Variants in MLLT3 observed in about 807,000 individuals in gnomAD.
The protein encoded by MLLT3 is MLLT3 super elongation complex subunit.
Under a neutral mutation model 53.2 loss-of-function variants are expected in MLLT3, and 4 were observed. The observed-to-expected ratio is 0.08, with a 90% CI of 0.04 to 0.17. The LOEUF (loss-of-function observed/expected upper bound fraction) is 0.17. Ranked by LOEUF, MLLT3 falls within the 10% of genes least tolerant of loss-of-function variation. The pLI, the probability that MLLT3 is intolerant of heterozygous loss-of-function variation, is 1.00. For synonymous variants in MLLT3, 283 were observed against 230.6 expected (o/e 1.23, Z -2.06); for missense variants, 569 against 684.0 (o/e 0.83, Z 1.87).
At chr9:20,359,717 G>T (rs1022631061) in intron 8 of MLLT3, among the ~76,000 whole-genome samples, 1 of 152,146 alleles carries the variant, frequency 6.6e-6, no homozygotes, top group Non-Finnish European at 1.5e-5. Flanking sequence ...GGATTTAAGG[G>T]CAAGACTATT....
intron 5 of MLLT3, among the ~76,000 whole-genome samples, chr9:20,406,533 A>T (rs758097762): frequency 4.9e-4 from 74 of 152,356 alleles, no homozygotes; most frequent in Middle Eastern, 6.8e-3. Flanking sequence ...GGAGTGTCAC[A>T]TAATAAAGCA....
intron 2 of MLLT3, among the ~76,000 whole-genome samples, chr9:20,613,036 C>G (rs1235028621): frequency 6.6e-6 from 1 of 152,004 alleles, no homozygotes; most frequent in Non-Finnish European, 1.5e-5. Flanking sequence ...AATAGGAAAA[C>G]AGAAAAGTAA....
At chr9:20,349,880 A>G (rs1820967962) in intron 10 of MLLT3, among the ~76,000 whole-genome samples, 1 of 152,234 alleles carries the variant, frequency 6.6e-6, no homozygotes, top group South Asian at 2.1e-4. Context: ...ATGAGAGCCC[A>G]CAAGAATACA....
At chr9:20,450,824 T>C (rs1009063943) in intron 3 of MLLT3, among the ~76,000 whole-genome samples, 8 of 152,234 alleles carry the variant, frequency 5.3e-5, no homozygotes, top group Non-Finnish European at 7.3e-5. Context: ...AAACAGAAGA[T>C]GTAACTTTAG....
At chr9:20,417,591 G>A (rs1822902877) in intron 4 of MLLT3, among the ~76,000 whole-genome samples, 1 of 151,904 alleles carries the variant, frequency 6.6e-6, no homozygotes, top group Non-Finnish European at 1.5e-5. Context: ...ATCTAACACA[G>A]AGAGCACGTG....
At chr9:20,459,394 T>A (rs1824052217) in intron 2 of MLLT3, among the ~76,000 whole-genome samples, 1 of 152,200 alleles carries the variant, frequency 6.6e-6, no homozygotes, top group Non-Finnish European at 1.5e-5. Context: ...TTGTGAACAC[T>A]GGAGACAAGT....
intron 2 of MLLT3, among the ~76,000 whole-genome samples, chr9:20,475,725 C>G (rs1024449217): frequency 3.3e-5 from 5 of 152,110 alleles, no homozygotes; most frequent in African/African-American, 1.2e-4. Flanking sequence ...CATTTGACTT[C>G]CATTACACTG....
At chr9:20,582,964 C>A (rs1303605126) in intron 2 of MLLT3, among the ~76,000 whole-genome samples, 2 of 152,046 alleles carry the variant, frequency 1.3e-5, no homozygotes, top group African/African-American at 4.8e-5. Flanking sequence ...CCCAATACTC[C>A]CCCAAAGTCT....
At chr9:20,527,003 G>A (rs1351534432) in intron 2 of MLLT3, among the ~76,000 whole-genome samples, 1 of 152,026 alleles carries the variant, frequency 6.6e-6, no homozygotes, top group Non-Finnish European at 1.5e-5. Context: ...GAATTGATTT[G>A]GCAAAATCCT....
intron 10 of MLLT3, among the ~76,000 whole-genome samples, chr9:20,349,647 T>C (rs796141794): frequency 5.9e-5 from 9 of 152,128 alleles, no homozygotes; most frequent in African/African-American, 1.7e-4. Context: ...AAAAATCCCT[T>C]CTAGAAAAAA....
At chr9:20,531,632 A>G (rs1294099799) in intron 2 of MLLT3, among the ~76,000 whole-genome samples, 1 of 152,150 alleles carries the variant, frequency 6.6e-6, no homozygotes, top group Non-Finnish European at 1.5e-5. Flanking sequence ...CACTTTCACT[A>G]GCAATATTAA....
intron 2 of MLLT3, among the ~76,000 whole-genome samples, chr9:20,613,851 C>T (rs1477509371): frequency 6.6e-6 from 1 of 152,048 alleles, no homozygotes; most frequent in Non-Finnish European, 1.5e-5. Flanking sequence ...AAAATTTTAA[C>T]TCTGTATACC....
At position 20,501,707 on chromosome 9, in the gene MLLT3, C is replaced by T. The variant is rs1277303286; in HGVS notation, c.194-44921G>A. On this transcript the variant is annotated intron_variant, in intron 2 of 10. Coordinates refer to ENST00000380338, the MANE Select transcript of MLLT3 (RefSeq NM_004529.4). The stretch of plus-strand genomic sequence containing the variant: ...CGGAGCTTGCCGTGAGCCGAGATTG[C>T]GCCACTGCAGTCCGCAGTCCGGCCT... Among the ~76,000 whole-genome samples, 22 of 144,536 alleles carry T rather than the reference C, an allele frequency of 1.5e-4. 1 individual carries two copies. Among genetic ancestry groups the T allele is most frequent in the African/African-American group, 4.6e-4 (18 of 39,012 alleles). The allele number at this position is 144,536 out of a possible 152,430, so 94.8% of individuals were successfully genotyped here.
chr9:20,375,017 G>A (rs1821721826), intron 5 of MLLT3, among the ~76,000 whole-genome samples: 1 of 152,212 alleles, frequency 6.6e-6, no homozygotes, highest in African/African-American at 2.4e-5. Flanking sequence ...ACTATGTGAG[G>A]ACACAGCAAG....
chr9:20,407,916 A>G (rs1822625788), intron 5 of MLLT3, among the ~76,000 whole-genome samples: 2 of 152,232 alleles, frequency 1.3e-5, no homozygotes, highest in African/African-American at 4.8e-5. Flanking sequence ...CTAGTCTTGC[A>G]AAGCCCATGT....
chr9:20,496,227 T>A (rs937159164), intron 2 of MLLT3, among the ~76,000 whole-genome samples: 1 of 152,210 alleles, frequency 6.6e-6, no homozygotes, highest in African/African-American at 2.4e-5. Flanking sequence ...AAAAACACAC[T>A]TTTTTGTTTG....
chr9:20,616,169 G>A (rs943184241), intron 2 of MLLT3, among the ~76,000 whole-genome samples: 8 of 152,058 alleles, frequency 5.3e-5, no homozygotes, highest in African/African-American at 7.2e-5. Flanking sequence ...AACTTATGAG[G>A]TAATAGTTCT....
intron 4 of MLLT3, among the ~76,000 whole-genome samples, chr9:20,440,084 TA>T (rs1249865742): frequency 6.6e-6 from 1 of 152,162 alleles, no homozygotes; most frequent in Non-Finnish European, 1.5e-5. Context: ...TGTCAATAAA[TA>T]AACTAATTAT....
intron 2 of MLLT3, among the ~76,000 whole-genome samples, chr9:20,608,477 T>C (rs1259667601): frequency 6.6e-6 from 1 of 151,976 alleles, no homozygotes; most frequent in Non-Finnish European, 1.5e-5. Context: ...CTATCCTATA[T>C]GAATACACAT....
Sources: gnomAD v4.1 joint callset for allele counts (sites outside exome capture counted in the v4.1 genomes callset) on GRCh38, gnomAD v4.1.1 for gene constraint, MANE v1.5 for transcripts, NCBI Gene and HGNC (gene_info 2026-07-23, HGNC 2026-07-21) for gene names.